The following PKHD1 variants were observed in gnomAD, a reference collection of about 807,000 sequenced individuals.
PKHD1 encodes fibrocystin.
A neutral mutation model predicts 412.0 loss-of-function variants in PKHD1; 291 were observed. That is an observed-to-expected ratio of 0.71 (90% confidence interval 0.64 to 0.78). The LOEUF is 0.78. PKHD1 is among the 30% of genes least tolerant of loss of function. The pLI, the probability that PKHD1 is intolerant of heterozygous loss-of-function variation, is 0.00. For synonymous variants in PKHD1, 1,777 were observed against 1,821.5 expected (o/e 0.98, Z 0.62); for missense variants, 4,825 against 4,950.7 (o/e 0.97, Z 0.76).
At chr6:51,640,283 C>T (rs1179861756) in intron 63 of PKHD1, among the ~76,000 whole-genome samples, 11 of 152,154 alleles carry the variant, frequency 7.2e-5, no homozygotes, top group Admixed American at 6.5e-4. Flanking sequence ...GAGTTGGCCT[C>T]GTAGAACAGC....
In PKHD1 at chr6:52,017,431, G is replaced by A; in HGVS notation, c.5579C>T (p.Ser1860Leu). ...PDHWAESMFP[S>L]FSGLFISPKL... ...TTACCTGATAAAGAGGCCCGAGAAT[G>A]ATGGAAACATTGACTCTGCCCAATG... The change falls in exon 34 of 67, where the codon TCA becomes TTA. Residue 1860 changes from serine (S) to leucine (L), a missense_variant. Ser to Leu is a moderately radical substitution (Grantham distance 145). Transcript: ENST00000371117. 1 of 1,613,120 alleles carries A rather than the reference G, an allele frequency of 6.2e-7. No homozygotes were observed. The highest frequency in any genetic ancestry group is 8.5e-7 in the Non-Finnish European group (1 of 1,179,004).
intron 52 of PKHD1, among the ~76,000 whole-genome samples, chr6:51,814,744 T>A (rs888399495): frequency 6.6e-6 from 1 of 152,002 alleles, no homozygotes; most frequent in African/African-American, 2.4e-5. Context: ...AGGCAAGCTG[T>A]GTGGAGGAGC....
chr6:52,044,881 T>C, intron 25 of PKHD1, 85 bp downstream of exon 25: 1 of 1,496,058 alleles, frequency 6.7e-7, no homozygotes, highest in South Asian at 1.1e-5. Flanking sequence ...AAGAGCTAAA[T>C]CAATGAGTCC....
At chr6:51,717,252 A>G (rs1460136610) in intron 60 of PKHD1, among the ~76,000 whole-genome samples, 1 of 152,180 alleles carries the variant, frequency 6.6e-6, no homozygotes, top group Non-Finnish European at 1.5e-5. Flanking sequence ...TCTTTACTAA[A>G]AAAACAAAAA....
intron 52 of PKHD1, among the ~76,000 whole-genome samples, chr6:51,813,968 A>G (rs1378261566): frequency 2.6e-5 from 4 of 152,146 alleles, no homozygotes; most frequent in Admixed American, 2.0e-4. Context: ...AAAAGTCCAC[A>G]TTTCTCACAC....
chr6:51,899,726 T>A (rs1191191443), intron 43 of PKHD1, among the ~76,000 whole-genome samples: 4 of 152,194 alleles, frequency 2.6e-5, no homozygotes, highest in Non-Finnish European at 4.4e-5. Flanking sequence ...GAAGTCAAAT[T>A]GTCCCTGTTT....
chr6:51,989,190 A>G (rs1391956970), intron 35 of PKHD1, among the ~76,000 whole-genome samples: 1 of 152,230 alleles, frequency 6.6e-6, no homozygotes, highest in Non-Finnish European at 1.5e-5. Flanking sequence ...GAGAAAGGAA[A>G]AAAAACAAAA....
At position 52,079,754 on chromosome 6, in the gene PKHD1, A is replaced by G. The variant is rs540144182; in HGVS notation, c.390+146T>C. On this transcript the variant is annotated intron_variant, in intron 5 of 66. Transcript: ENST00000371117. ...TTCAAAATTCATCTTTCATTAGTAT[A>G]ATATAAGAAACTCTGTCATTACCAT... The G allele has an allele frequency of 2.6e-5, 19 of 737,954 alleles. No individual in the cohort carries two copies. In the Admixed American group the frequency reaches 3.2e-4, roughly 13 times the overall value. The allele number at this position is 737,954 out of a possible 1,614,324, so 45.7% of individuals were successfully genotyped here. A position where few individuals can be genotyped will look rare whatever the true frequency, so the allele number is the denominator to read the frequency against.
chr6:51,631,883 C>T (rs1767959242), intron 65 of PKHD1, among the ~76,000 whole-genome samples: 1 of 151,760 alleles, frequency 6.6e-6, no homozygotes, highest in Non-Finnish European at 1.5e-5. Context: ...TAAGCCCTCT[C>T]CCCTTTTAAA....
intron 52 of PKHD1, among the ~76,000 whole-genome samples, chr6:51,824,554 T>C (rs1209091647): frequency 1.3e-5 from 2 of 152,140 alleles, no homozygotes; most frequent in East Asian, 3.8e-4. Context: ...TTTCCAAAGA[T>C]CCTTTCATCT....
chr6:51,828,057 A>C (rs993496257), intron 52 of PKHD1, among the ~76,000 whole-genome samples: 47 of 152,114 alleles, frequency 3.1e-4, no homozygotes, highest in African/African-American at 1.1e-3. Context: ...AACAAATAAT[A>C]GTTTTTTATT....
chr6:51,834,771 G>A (rs1393126832), intron 51 of PKHD1, among the ~76,000 whole-genome samples: 1 of 152,084 alleles, frequency 6.6e-6, no homozygotes, highest in African/African-American at 2.4e-5. Flanking sequence ...TTTTGAAATA[G>A]TTTTCTGTTC....
intron 37 of PKHD1, among the ~76,000 whole-genome samples, chr6:51,925,020 G>T (rs1161035844): frequency 6.6e-6 from 1 of 152,160 alleles, no homozygotes; most frequent in East Asian, 1.9e-4. Context: ...AAACACTGGG[G>T]AGTTTTTTAA....
chr6:51,894,861 G>C (rs1047524817), intron 43 of PKHD1, among the ~76,000 whole-genome samples: 6 of 152,186 alleles, frequency 3.9e-5, no homozygotes, highest in African/African-American at 1.4e-4. Flanking sequence ...TGTTATCATT[G>C]GAGGGAGCTA....
chr6:51,982,880 T>TAAAAAAAAAAAAAAAAAAAAAAA (rs777201105), intron 35 of PKHD1, among the ~76,000 whole-genome samples: 2 of 135,910 alleles, frequency 1.5e-5, no homozygotes, highest in Non-Finnish European at 3.2e-5. Context: ...TAAAATAAAA[T>TAAAAAAAAAAAAAAAAAAAAAAA]AAAATAAAAT....
rs114859849 is a variant in PKHD1, at chr6:51,948,879, C to T, written c.5908+10991G>A. 7.2e-3 allele frequency among the ~76,000 whole-genome samples: 1,094 copies of T among 152,202 alleles called. 17 individuals carry two copies. The highest frequency in any genetic ancestry group is 0.025 in the African/African-American group (1,056 of 41,506). On this transcript the variant is annotated intron_variant, in intron 36 of 66. Coordinates refer to ENST00000371117, the MANE Select transcript of PKHD1 (RefSeq NM_138694.4). ...TGTAGACATAGGCTCAACGAAGAGC[C>T]TTAAGAACTGTTAAAGAGGTAGATG...
chr6:51,782,302 T>C (rs1374359645), intron 53 of PKHD1, among the ~76,000 whole-genome samples: 1 of 152,132 alleles, frequency 6.6e-6, no homozygotes. Context: ...GATTTAAGGA[T>C]AATGTGATGT....
intron 63 of PKHD1, among the ~76,000 whole-genome samples, chr6:51,642,018 C>T (rs1165188497): frequency 6.6e-6 from 1 of 152,008 alleles, no homozygotes; most frequent in Non-Finnish European, 1.5e-5. Context: ...ATGTTCTGCA[C>T]ATGTATCCCA....
At chr6:51,905,980 T>A (rs1225883615) in intron 41 of PKHD1, among the ~76,000 whole-genome samples, 1 of 152,184 alleles carries the variant, frequency 6.6e-6, no homozygotes, top group African/African-American at 2.4e-5. Flanking sequence ...AACTTCCCAT[T>A]ATACACTTAT....
Sources: allele counts gnomAD v4.1 joint callset (sites outside exome capture counted in the v4.1 genomes callset), GRCh38; gene constraint gnomAD v4.1.1; transcripts MANE v1.5; gene names NCBI Gene and HGNC (gene_info 2026-07-23, HGNC 2026-07-21).